Variants in PCCA observed in about 807,000 individuals in gnomAD.
PCCA encodes propionyl-CoA carboxylase alpha chain, mitochondrial.
Under a neutral mutation model 101.3 loss-of-function variants are expected in PCCA, and 74 were observed. The ratio of observed to expected loss-of-function variants is 0.73; its 90% CI spans 0.61 to 0.89. The LOEUF is 0.89. Among genes scored for constraint, PCCA ranks in the 40% least tolerant of loss-of-function variants. PCCA has a pLI of 0.00. For missense variants in PCCA, 891 were observed against 907.0 expected, an observed-to-expected ratio of 0.98 and a Z score of 0.23; for synonymous variants, 294 against 313.6, an observed-to-expected ratio of 0.94 and a Z score of 0.66.
intron 21 of PCCA, among the ~76,000 whole-genome samples, chr13:100,451,715 CCTCT>C (rs71114697): frequency 1.6e-3 from 149 of 95,994 alleles, no homozygotes; most frequent in South Asian, 4.0e-3. Context: ...TCTCCTCTCT[CCTCT>C]CTCTCTCTCT....
intron 18 of PCCA, among the ~76,000 whole-genome samples, chr13:100,342,614 G>A (rs944288180): frequency 6.6e-6 from 1 of 151,828 alleles, no homozygotes; most frequent in African/African-American, 2.4e-5. Context: ...TAACTCAGAC[G>A]ACTCTATCTT....
At chr13:100,502,722 G>A (rs893431104) in intron 21 of PCCA, among the ~76,000 whole-genome samples, 4 of 152,214 alleles carry the variant, frequency 2.6e-5, no homozygotes, top group African/African-American at 9.7e-5. Context: ...TGGTGTGAAT[G>A]GTAGGATATG....
At chr13:100,351,347 TA>T (rs1319031039) in intron 18 of PCCA, among the ~76,000 whole-genome samples, 1 of 152,142 alleles carries the variant, frequency 6.6e-6, no homozygotes, top group African/African-American at 2.4e-5. Context: ...GTGAGATAAG[TA>T]AAAAACTTAA....
intron 21 of PCCA, among the ~76,000 whole-genome samples, chr13:100,456,413 G>A (rs1382843154): frequency 3.3e-5 from 5 of 152,208 alleles, no homozygotes; most frequent in African/African-American, 9.7e-5. Flanking sequence ...CTCCCGGTGT[G>A]CGGAGACGAG....
intron 21 of PCCA, among the ~76,000 whole-genome samples, chr13:100,482,192 G>C (rs1234437447): frequency 1.3e-5 from 2 of 152,220 alleles, no homozygotes; most frequent in African/African-American, 4.8e-5. Flanking sequence ...GCCACGTAGG[G>C]CTGGTTTGGT....
At chr13:100,131,626 T>C (rs1332345894) in intron 4 of PCCA, among the ~76,000 whole-genome samples, 1 of 152,240 alleles carries the variant, frequency 6.6e-6, no homozygotes, top group Non-Finnish European at 1.5e-5. Flanking sequence ...TTACCTAGTA[T>C]GCTTTTTTTT....
At chr13:100,140,457 T>C (rs1193391903) in intron 4 of PCCA, among the ~76,000 whole-genome samples, 8 of 152,156 alleles carry the variant, frequency 5.3e-5, no homozygotes. Flanking sequence ...TCCATAATGT[T>C]GTAAGTATCA....
intron 12 of PCCA, among the ~76,000 whole-genome samples, chr13:100,285,014 G>A (rs368981234): frequency 2.0e-5 from 3 of 152,346 alleles, no homozygotes; most frequent in African/African-American, 7.2e-5. Context: ...GGTACAAGGT[G>A]TCTAGGTCGA....
rs556314197 is a variant in PCCA, at chr13:100,373,346, G to A, written c.1746+4772G>A. ...TGCACAGTTGGTAGGAATATAAAATGATGTGGTTACTTTGGAAAAAACAGT... is the reference window on the plus strand; with the variant it reads ...TGCACAGTTGGTAGGAATATAAAATAATGTGGTTACTTTGGAAAAAACAGT... On this transcript the variant is annotated intron_variant, in intron 19 of 23. Transcript: ENST00000376285. Among the ~76,000 whole-genome samples, 4 of 152,326 alleles carry A rather than the reference G, an allele frequency of 2.6e-5. No individual in the cohort carries two copies. The South Asian group carries it at 8.3e-4, about 32-fold the overall frequency.
At chr13:100,113,202 A>G (rs2048484492) in intron 4 of PCCA, among the ~76,000 whole-genome samples, 1 of 152,180 alleles carries the variant, frequency 6.6e-6, no homozygotes, top group African/African-American at 2.4e-5. Context: ...TGTGCTACAA[A>G]CCTGTGCAGC....
chr13:100,107,134 G>A (rs950312444), intron 2 of PCCA, among the ~76,000 whole-genome samples: 27 of 152,164 alleles, frequency 1.8e-4, no homozygotes, highest in African/African-American at 6.5e-4. Context: ...ATTCTCGTTT[G>A]AATCTGTTAT....
chr13:100,348,920 T>TTTCTTTCCTTCCTTCCTTCCTTCCTTCC (rs1555429132), intron 18 of PCCA, among the ~76,000 whole-genome samples: 2 of 89,020 alleles, frequency 2.2e-5, no homozygotes, highest in Non-Finnish European at 4.7e-5. Context: ...CTTTCTTTTC[T>TTTCTTTCCTTCCTTCCTTCCTTCCTTCC]TTTCTTTTCT....
chr13:100,353,320 C>G (rs949012839), intron 18 of PCCA, among the ~76,000 whole-genome samples: 5 of 152,066 alleles, frequency 3.3e-5, no homozygotes, highest in African/African-American at 1.2e-4. Flanking sequence ...CAGAATATAC[C>G]TGTCTCAAGT....
chr13:100,515,438 T>C lies in PCCA; in HGVS notation c.1911T>C (p.Asn637=), dbSNP rs761693565. The C allele has an allele frequency of 1.9e-6, 3 of 1,614,100 alleles. No individual in the cohort carries two copies. The highest frequency in any genetic ancestry group is 2.5e-6 in the Non-Finnish European group (3 of 1,179,912). ...GTTTTTCCCTTAAGTACAAGGTGAA[T>C]ATCTTAACCAGACTTGCCGCAGAAT... The part of the protein sequence containing the change: ...IQFLGTVYKV[N]ILTRLAAELN... Residue 637 remains asparagine, a synonymous_variant, in exon 22 of 24, where the codon AAT becomes AAC. Coordinates refer to ENST00000376285, the MANE Select transcript of PCCA (RefSeq NM_000282.4).
chr13:100,512,343 C>T (rs999468904), intron 21 of PCCA, among the ~76,000 whole-genome samples: 3 of 152,174 alleles, frequency 2.0e-5, no homozygotes, highest in African/African-American at 7.2e-5. Flanking sequence ...GGGTTCGGGT[C>T]ACCTTTCCGT....
chr13:100,155,603 C>T (rs1196522151), intron 5 of PCCA, among the ~76,000 whole-genome samples: 69 of 152,192 alleles, frequency 4.5e-4, no homozygotes, highest in Non-Finnish European at 1.9e-4. Flanking sequence ...TCTCCACCCC[C>T]AGTTCTGTTT....
intron 8 of PCCA, among the ~76,000 whole-genome samples, chr13:100,240,517 G>A (rs906349549): frequency 6.6e-6 from 1 of 151,818 alleles, no homozygotes; most frequent in Non-Finnish European, 1.5e-5. Flanking sequence ...CTCTAATACT[G>A]CCACCCAGTC....
intron 21 of PCCA, among the ~76,000 whole-genome samples, chr13:100,484,595 T>C (rs1218621871): frequency 2.6e-5 from 4 of 152,090 alleles, no homozygotes; most frequent in African/African-American, 7.3e-5. Flanking sequence ...TTTTCTTTTT[T>C]CCCCCCTGTA....
intron 21 of PCCA, among the ~76,000 whole-genome samples, chr13:100,509,677 G>C (rs2086332056): frequency 6.6e-6 from 1 of 152,146 alleles, no homozygotes. Context: ...TCAGTGTTTG[G>C]GTGATGGTGT....
Sources: gnomAD v4.1 joint callset for allele counts (sites outside exome capture counted in the v4.1 genomes callset) on GRCh38, gnomAD v4.1.1 for gene constraint, MANE v1.5 for transcripts, NCBI Gene and HGNC (gene_info 2026-07-23, HGNC 2026-07-21) for gene names.